The following ITLN1 variants were observed in gnomAD, a reference collection of about 807,000 sequenced individuals.
The protein encoded by ITLN1 is intelectin 1.
A neutral mutation model predicts 36.2 loss-of-function variants in ITLN1; 29 were observed. That is an observed-to-expected ratio of 0.80 (90% CI 0.60 to 1.09). The LOEUF is 1.09. ITLN1 is among the 50% of genes least tolerant of loss of function. ITLN1 has a pLI of 0.00. For missense variants in ITLN1, 358 were observed against 405.2 expected, an observed-to-expected ratio of 0.88 and a Z score of 1.00; for synonymous variants, 143 against 146.5, an observed-to-expected ratio of 0.98 and a Z score of 0.17.
Position 160,876,743 on chromosome 1 carries a change from CAATCA to C in ITLN1, c.858_862del (p.Phe286LeufsTer15), listed in dbSNP as rs754139823. 1.2e-6 allele frequency: 2 copies of C among 1,614,196 alleles called. No homozygotes were observed. Among genetic ancestry groups the C allele is most frequent in the Non-Finnish European group, 1.7e-6 (2 of 1,180,014 alleles). ...ACCAACATGAGTTCCATATCCACTC[CAATCA>C]AAACCAGAAAAATCTCCACACTGCT... is the stretch of plus-strand genomic sequence containing the variant. On this transcript the variant is annotated frameshift_variant, in exon 8 of 8. Coordinates refer to ENST00000326245, the MANE Select transcript of ITLN1 (RefSeq NM_017625.3). LOFTEE classifies it high-confidence loss of function.
At chr1:160,883,550 C>T in intron 2 of ITLN1, 24 bp from the exon 3 acceptor site, 2 of 1,524,240 alleles carry the variant, frequency 1.3e-6, no homozygotes, top group South Asian at 1.1e-5. Context: ...AGGGTTTATT[C>T]TCATTCCCGG....
chr1:160,879,311 G>A lies in ITLN1; in HGVS notation c.789C>T (p.His263=), dbSNP rs73027836. The part of the protein sequence containing the change: ...GMRVTGCNTE[H]HCIGGGGYFP... ...CCCTGCAGTCCCCACAGAGACTCACGTGCTCAGTGTTACATCCGGTGACCC... is the reference window on the plus strand; with the variant it reads ...CCCTGCAGTCCCCACAGAGACTCACATGCTCAGTGTTACATCCGGTGACCC... The change falls in exon 7 of 8, where the codon CAC becomes CAT. Residue 263 remains histidine (H), a splice_region_variant and synonymous_variant. Transcript: ENST00000326245. 1.2e-3 allele frequency: 1,913 copies of A among 1,611,056 alleles called. 21 individuals carry two copies. The African/African-American group carries it at 0.023, about 19-fold the overall frequency.
rs1248376484 is a variant in ITLN1 at position 160,884,871 on chromosome 1, G to T, written c.7C>A (p.Gln3Lys). 6.2e-7 allele frequency: 1 copy of T among 1,612,258 alleles called. No homozygotes were observed. The highest frequency in any genetic ancestry group is 1.1e-5 in the South Asian group (1 of 91,008). The stretch of plus-strand genomic sequence containing the variant: ...ATGAGAAACAGCAGGAAGCTGAGTT[G>T]GTTCATTGTAATCTAAAGAAAGCAA... MN[Q>K]LSFLLFLIAT... The change falls in exon 2 of 8, where the codon CAA (glutamine) becomes AAA (lysine). Residue 3 changes from glutamine to lysine, a missense_variant. Transcript: ENST00000326245.
At chr1:160,883,367 C>T in intron 3 of ITLN1, 61 bp downstream of exon 3, 4 of 1,129,902 alleles carry the variant, frequency 3.5e-6, no homozygotes, top group Non-Finnish European at 5.3e-6. Context: ...GACAAAAAGA[C>T]TCCCAGAAGA....
intron 3 of ITLN1, among the ~76,000 whole-genome samples, chr1:160,882,893 G>A (rs113734825): frequency 0.031 from 4,700 of 152,082 alleles, 225 homozygotes; most frequent in African/African-American, 0.091. Flanking sequence ...TTTTTGAGAT[G>A]GAGTCTCACT....
At chr1:160,878,643 G>A (rs146865933) in intron 7 of ITLN1, among the ~76,000 whole-genome samples, 10 of 152,150 alleles carry the variant, frequency 6.6e-5, no homozygotes, top group East Asian at 1.9e-4. Flanking sequence ...GCCTTGCCTC[G>A]CAAAATACTG....
chr1:160,881,229 GT>G lies in ITLN1; in HGVS notation c.488del (p.Asn163ThrfsTer5). ...CCGTGCGGTACCTCAGCAGGGAGCTGTTTCTCCAGTGCTGCATGGGGGACTT... is the reference window on the plus strand; with the variant it reads ...CCGTGCGGTACCTCAGCAGGGAGCTGTTCTCCAGTGCTGCATGGGGGACTT... Reference protein sequence around the residue: ...PNKSPMQHWRNSSLLRYRTDT... With the variant: ...PNKSPMQHWRXSSLLRYRTDT... On this transcript the variant is annotated frameshift_variant, in exon 5 of 8. Transcript: ENST00000326245. LOFTEE classifies it high-confidence loss of function. The G allele has an allele frequency of 6.2e-7, 1 of 1,613,880 alleles. No homozygotes were observed. Among genetic ancestry groups the G allele is most frequent in the Non-Finnish European group, 8.5e-7 (1 of 1,179,858 alleles).
intron 7 of ITLN1, among the ~76,000 whole-genome samples, chr1:160,877,254 A>C (rs1479502390): frequency 2.0e-5 from 3 of 150,636 alleles, no homozygotes; most frequent in Admixed American, 6.6e-5. Context: ...AAAAAAAAAA[A>C]CTCTCTTCCT....
At chr1:160,881,390 T>G in intron 4 of ITLN1, 78 bp from the exon 5 acceptor site, 2 of 1,473,488 alleles carry the variant, frequency 1.4e-6, no homozygotes, top group South Asian at 2.9e-5. Context: ...CAACTTCAGC[T>G]GGACTGTGAG....
At chr1:160,880,211 A>C (rs1670653606) in intron 6 of ITLN1, among the ~76,000 whole-genome samples, 1 of 152,064 alleles carries the variant, frequency 6.6e-6, no homozygotes, top group East Asian at 1.9e-4. Flanking sequence ...AGGCTGAGAC[A>C]GGAGAATCAT....
intron 3 of ITLN1, among the ~76,000 whole-genome samples, chr1:160,882,487 C>T (rs1019584703): frequency 1.3e-5 from 2 of 152,178 alleles, no homozygotes; most frequent in African/African-American, 4.8e-5. Context: ...AGGTCTATCC[C>T]CAAAAGAATT....
chr1:160,880,743 A>G (rs779298938), intron 5 of ITLN1, 35 bp from the exon 6 acceptor site: 12 of 1,611,358 alleles, frequency 7.4e-6, no homozygotes, highest in Non-Finnish European at 1.0e-5. Context: ...TGGAGTAAAG[A>G]CAATAGCTTT....
chr1:160,879,599 A>T (rs985881494), intron 6 of ITLN1, among the ~76,000 whole-genome samples, 185 bp from the exon 7 acceptor site: 1 of 152,102 alleles, frequency 6.6e-6, no homozygotes, highest in South Asian at 2.1e-4. Flanking sequence ...GCTAAGAGGG[A>T]CCTTTTCCCA....
intron 4 of ITLN1, 130 bp downstream of exon 4, chr1:160,881,827 A>C: frequency 2.1e-6 from 2 of 941,648 alleles, no homozygotes; most frequent in Non-Finnish European, 3.1e-6. Flanking sequence ...AAAAAAAAAG[A>C]TATAAGTATT....
At chr1:160,880,539 A>G (rs1025814522) in intron 6 of ITLN1, 49 bp downstream of exon 6, 8 of 1,597,334 alleles carry the variant, frequency 5.0e-6, no homozygotes, top group Non-Finnish European at 6.9e-6. Flanking sequence ...AGCATAGTTG[A>G]ATGTATTCCC....
At chr1:160,876,916 G>A in intron 7 of ITLN1, 100 bp from the exon 8 acceptor site, 1 of 1,199,134 alleles carries the variant, frequency 8.3e-7, no homozygotes, top group Non-Finnish European at 1.2e-6. Context: ...GTCCTCATCA[G>A]ACTCTCCATT....
chr1:160,882,296 T>A, intron 3 of ITLN1, 92 bp from the exon 4 acceptor site: 3 of 1,484,466 alleles, frequency 2.0e-6, no homozygotes, highest in Non-Finnish European at 2.7e-6. Flanking sequence ...ACCAGAGACA[T>A]GGCCTAAAGG....
rs780164292 is a variant in ITLN1 at position 160,876,750 on chromosome 1, A to C, written c.856T>G (p.Phe286Val). ...TGAGTTCCATATCCACTCCAATCAA[A>C]ACCAGAAAAATCTCCACACTGCTGG... Reference protein sequence around the residue: ...SPQQCGDFSGFDWSGYGTHVG... With the variant: ...SPQQCGDFSGVDWSGYGTHVG... The change falls in exon 8 of 8, where the codon TTT becomes GTT. Residue 286 changes from phenylalanine (F) to valine (V), a missense_variant. By Grantham distance (50) the Phe-to-Val change is conservative (BLOSUM62 -1). Coordinates refer to ENST00000326245, the MANE Select transcript of ITLN1 (RefSeq NM_017625.3). The C allele has an allele frequency of 6.2e-7, 1 of 1,614,040 alleles. No individual in the cohort carries two copies. The highest frequency in any genetic ancestry group is 8.5e-7 in the Non-Finnish European group (1 of 1,180,026).
At chr1:160,877,559 AATTATATCCCTC>A (rs139014969) in intron 7 of ITLN1, among the ~76,000 whole-genome samples, 2,539 of 152,304 alleles carry the variant, frequency 0.017, 59 homozygotes, top group African/African-American at 0.053. Flanking sequence ...AAATAGAGTT[AATTATATCCCTC>A]ATTGACCCAG....
Sources: gnomAD v4.1 joint callset for allele counts (sites outside exome capture counted in the v4.1 genomes callset) on GRCh38, gnomAD v4.1.1 for gene constraint, MANE v1.5 for transcripts, NCBI Gene and HGNC (gene_info 2026-07-23, HGNC 2026-07-21) for gene names.